The following LRRTM4 variants were observed in gnomAD, a reference collection of about 807,000 sequenced individuals.
The protein encoded by LRRTM4 is leucine-rich repeat transmembrane neuronal protein 4.
Under a neutral mutation model 47.6 loss-of-function variants are expected in LRRTM4, and 25 were observed. The ratio of observed to expected loss-of-function variants is 0.53; its 90% CI spans 0.38 to 0.73. The LOEUF is 0.73. LRRTM4 is among the 30% of genes least tolerant of loss of function. The pLI is 0.00. For missense variants in LRRTM4, 638 were observed against 713.4 expected (o/e 0.89, Z 1.20); for synonymous variants, 311 against 269.5 (o/e 1.15, Z -1.51).
chr2:77,296,688 C>A (rs1350338745), intron 3 of LRRTM4, among the ~76,000 whole-genome samples: 1 of 152,252 alleles, frequency 6.6e-6, no homozygotes, highest in African/African-American at 2.4e-5. Flanking sequence ...AAATTAGGAA[C>A]TTTACCTGCT....
chr2:77,113,942 C>A (rs1481635387), intron 3 of LRRTM4, among the ~76,000 whole-genome samples: 1 of 152,014 alleles, frequency 6.6e-6, no homozygotes, highest in African/African-American at 2.4e-5. Flanking sequence ...CTGCAAGTAG[C>A]GGCTCTTCGG....
Position 76,794,269 on chromosome 2 carries a change from G to C in LRRTM4, c.1552-45353C>G, listed in dbSNP as rs145820204. Among the ~76,000 whole-genome samples the C allele has an allele frequency of 3.3e-4, 50 of 152,306 alleles. 1 individual carries two copies. In the East Asian group the frequency reaches 8.9e-3, roughly 27 times the overall value. ...GTTTCTTATACTCAGAAGAGAGAAG[G>C]AGCTGTGTCCTTAGATCGGAGATAA... On this transcript the variant is annotated intron_variant, in intron 3 of 3. Coordinates refer to ENST00000409884, the MANE Select transcript of LRRTM4 (RefSeq NM_001134745.3).
chr2:77,124,162 G>A (rs1671595903), intron 3 of LRRTM4, among the ~76,000 whole-genome samples: 1 of 152,002 alleles, frequency 6.6e-6, no homozygotes, highest in Non-Finnish European at 1.5e-5. Flanking sequence ...TAGGAGGAAT[G>A]GACAAGCTCA....
chr2:77,152,489 G>A (rs958736884), intron 3 of LRRTM4, among the ~76,000 whole-genome samples: 56 of 151,670 alleles, frequency 3.7e-4, no homozygotes, highest in Admixed American at 3.3e-3. Flanking sequence ...CCACCACGCC[G>A]GGCTAATTTT....
chr2:76,978,669 C>A, intron 3 of LRRTM4, among the ~76,000 whole-genome samples: 1 of 152,022 alleles, frequency 6.6e-6, no homozygotes, highest in East Asian at 1.9e-4. Context: ...GCACTTTCAA[C>A]AGTACTACAT....
At chr2:77,515,880 T>C (rs894090889) in intron 3 of LRRTM4, among the ~76,000 whole-genome samples, 6 of 151,886 alleles carry the variant, frequency 4.0e-5, no homozygotes, top group Admixed American at 2.6e-4. Flanking sequence ...TAACAATTTC[T>C]AAGAGTTTGC....
intron 3 of LRRTM4, among the ~76,000 whole-genome samples, chr2:77,410,382 A>G (rs1674371866): frequency 6.6e-6 from 1 of 152,140 alleles, no homozygotes; most frequent in Non-Finnish European, 1.5e-5. Flanking sequence ...CCACACTGGT[A>G]CTTGAAACCC....
chr2:76,762,195 C>G (rs760334507), intron 3 of LRRTM4, among the ~76,000 whole-genome samples: 1 of 152,148 alleles, frequency 6.6e-6, no homozygotes, highest in East Asian at 1.9e-4. Flanking sequence ...ATTACCTTTA[C>G]AGACTACCTC....
At chr2:76,899,864 G>A (rs1189157004) in intron 3 of LRRTM4, among the ~76,000 whole-genome samples, 1 of 152,074 alleles carries the variant, frequency 6.6e-6, no homozygotes, top group Non-Finnish European at 1.5e-5. Flanking sequence ...GAATCCTCAA[G>A]GCACACAACA....
At chr2:77,130,342 T>C (rs1671762137) in intron 3 of LRRTM4, among the ~76,000 whole-genome samples, 1 of 151,990 alleles carries the variant, frequency 6.6e-6, no homozygotes, top group Non-Finnish European at 1.5e-5. Flanking sequence ...TGGTGGAACA[T>C]TATTAGTTTT....
intron 3 of LRRTM4, among the ~76,000 whole-genome samples, chr2:77,194,988 A>G (rs930159412): frequency 1.3e-5 from 2 of 152,080 alleles, no homozygotes; most frequent in African/African-American, 4.8e-5. Context: ...TGAAATATTC[A>G]TGGTGTTTTC....
intron 3 of LRRTM4, among the ~76,000 whole-genome samples, chr2:77,287,219 A>C (rs1365684381): frequency 1.3e-5 from 2 of 151,954 alleles, no homozygotes; most frequent in Admixed American, 1.3e-4. Context: ...AAATTCAGGG[A>C]GAGAACTAGC....
intron 3 of LRRTM4, among the ~76,000 whole-genome samples, chr2:76,970,555 T>C (rs911656853): frequency 6.6e-6 from 1 of 152,066 alleles, no homozygotes. Context: ...AAAAATATTG[T>C]AGAATAACTG....
At chr2:77,347,399 C>G (rs4852432) in intron 3 of LRRTM4, among the ~76,000 whole-genome samples, 150,223 of 152,268 alleles carry the variant, frequency 0.99, 74,107 homozygotes, top group Middle Eastern at 1. Context: ...AAATGTATTA[C>G]CAGAATATTT....
intron 3 of LRRTM4, among the ~76,000 whole-genome samples, chr2:77,299,476 A>T (rs1677069636): frequency 6.6e-6 from 1 of 152,080 alleles, no homozygotes; most frequent in African/African-American, 2.4e-5. Context: ...GTGGTAAAGG[A>T]TAATTAATTC....
chr2:76,882,834 C>A (rs933361204), intron 3 of LRRTM4, among the ~76,000 whole-genome samples: 2 of 152,092 alleles, frequency 1.3e-5, no homozygotes, highest in Admixed American at 6.5e-5. Flanking sequence ...AATCTGCACT[C>A]CAGAGCTACA....
At chr2:77,158,441 A>G (rs1404782906) in intron 3 of LRRTM4, among the ~76,000 whole-genome samples, 6 of 152,278 alleles carry the variant, frequency 3.9e-5, no homozygotes, top group Non-Finnish European at 8.8e-5. Flanking sequence ...ATATATTTGG[A>G]ATGTTGCCTG....
At chr2:76,880,608 G>T (rs1672902074) in intron 3 of LRRTM4, among the ~76,000 whole-genome samples, 1 of 151,986 alleles carries the variant, frequency 6.6e-6, no homozygotes, top group Non-Finnish European at 1.5e-5. Flanking sequence ...AGTACTTCAA[G>T]GTATGCAAAA....
chr2:77,073,858 T>A (rs150494361), intron 3 of LRRTM4, among the ~76,000 whole-genome samples: 1 of 152,188 alleles, frequency 6.6e-6, no homozygotes, highest in East Asian at 1.9e-4. Flanking sequence ...ATTTTTTTTC[T>A]GGGAATCTGG....
Sources: allele counts gnomAD v4.1 joint callset (sites outside exome capture counted in the v4.1 genomes callset), GRCh38; gene constraint gnomAD v4.1.1; transcripts MANE v1.5; gene names NCBI Gene and HGNC (gene_info 2026-07-23, HGNC 2026-07-21).